The following FBLN2 variants were observed in gnomAD, a reference collection of about 807,000 sequenced individuals.
FBLN2 encodes the protein fibulin-2.
FBLN2 carries 81 observed loss-of-function variants against 123.7 expected under a neutral mutation model. The observed-to-expected ratio is 0.65, with a 90% CI of 0.55 to 0.79. The LOEUF (loss-of-function observed/expected upper bound fraction) is 0.79, where lower values mean the gene tolerates loss of function less well. Among genes scored for constraint, FBLN2 ranks in the 30% least tolerant of loss-of-function variants. The pLI, the probability that FBLN2 is intolerant of heterozygous loss-of-function variation, is 0.00. For missense variants in FBLN2, 1,603 were observed against 1,681.3 expected, an observed-to-expected ratio of 0.95 and a Z score of 0.81; for synonymous variants, 699 against 701.4, an observed-to-expected ratio of 1.00 and a Z score of 0.05.
intron 13 of FBLN2, among the ~76,000 whole-genome samples, chr3:13,629,531 A>C (rs1170203053): frequency 7.6e-6 from 1 of 132,248 alleles, no homozygotes; most frequent in East Asian, 2.3e-4. Flanking sequence ...TGCCCCTCTT[A>C]CTCTGGTCTT....
Position 13,571,198 on chromosome 3 carries a change from A to G in FBLN2, c.843A>G (p.Glu281=), listed in dbSNP as rs1222505987. 3 of 1,570,170 alleles carry G rather than the reference A, an allele frequency of 1.9e-6. No individual in the cohort carries two copies. The highest frequency in any genetic ancestry group is 3.8e-5 in the Admixed American group (2 of 52,594). The change falls in exon 2 of 18, where the codon GAA becomes GAG. Residue 281 remains glutamate, a synonymous_variant. Coordinates refer to ENST00000404922, the MANE Select transcript of FBLN2 (RefSeq NM_001004019.2). The stretch of plus-strand genomic sequence containing the variant: ...TGACCGAGGACAGTGAGGAGGAAGA[A>G]GAGGAGGAGGAGGAGAGAGAGGAAA... ...RRVTEDSEEE[E]EEEEEREEMA...
At chr3:13,623,537 C>T (rs936116987) in intron 9 of FBLN2, among the ~76,000 whole-genome samples, 5 of 152,146 alleles carry the variant, frequency 3.3e-5, no homozygotes, top group African/African-American at 4.8e-5. Context: ...TAGTACCTGC[C>T]GCGCGTTCTT....
chr3:13,588,057 T>C (rs1056134579), intron 2 of FBLN2, among the ~76,000 whole-genome samples: 1 of 152,222 alleles, frequency 6.6e-6, no homozygotes, highest in Non-Finnish European at 1.5e-5. Flanking sequence ...CAAAATACTT[T>C]CTGAATTAAC....
chr3:13,633,823 A>G (rs1009697140), intron 16 of FBLN2, among the ~76,000 whole-genome samples: 1 of 152,208 alleles, frequency 6.6e-6, no homozygotes, highest in Non-Finnish European at 1.5e-5. Context: ...ACCAGCATCT[A>G]GAGCAATGCC....
chr3:13,571,101 C>G lies in FBLN2; in HGVS notation c.746C>G (p.Ala249Gly), dbSNP rs1703930893. 2 of 1,552,888 alleles carry G rather than the reference C, an allele frequency of 1.3e-6. No homozygotes were observed. Among genetic ancestry groups the G allele is most frequent in the Non-Finnish European group, 1.7e-6 (2 of 1,148,438 alleles). Reference sequence around the variant, plus strand: ...ACCATCCAGGCACCCCCCTGGCCAGCTGTCCTCCCCAGGCCCACAGCGGCT... The same window carrying G: ...ACCATCCAGGCACCCCCCTGGCCAGGTGTCCTCCCCAGGCCCACAGCGGCT... ...LSTIQAPPWP[A>G]VLPRPTAAAA... is the part of the protein sequence containing the mutation. The change falls in exon 2 of 18, where the codon GCT becomes GGT. Residue 249 changes from alanine (A) to glycine (G), a missense_variant. Ala to Gly is a moderately conservative substitution (Grantham distance 60). Transcript: ENST00000404922.
intron 10 of FBLN2, among the ~76,000 whole-genome samples, chr3:13,627,208 CCTGG>C (rs1163499502): frequency 6.6e-6 from 1 of 151,866 alleles, no homozygotes; most frequent in Non-Finnish European, 1.5e-5. Flanking sequence ...ATGAGAAGCT[CCTGG>C]GGAGGGTGTT....
chr3:13,617,884 A>G (rs1705689855), intron 5 of FBLN2, among the ~76,000 whole-genome samples, 192 bp from the exon 6 acceptor site: 1 of 140,374 alleles, frequency 7.1e-6, no homozygotes, highest in Non-Finnish European at 1.5e-5. Flanking sequence ...CTGCCCACCC[A>G]CCCATCTATC....
intron 2 of FBLN2, among the ~76,000 whole-genome samples, chr3:13,584,588 C>T (rs553056912): frequency 1.3e-5 from 2 of 152,304 alleles, no homozygotes; most frequent in South Asian, 2.1e-4. Flanking sequence ...AGGGAGTAGC[C>T]GTGGCCATAG....
At position 13,634,784 on chromosome 3, in the gene FBLN2, G is replaced by T. The variant is rs1575004478; in HGVS notation, c.3215-1661G>T. Among the ~76,000 whole-genome samples the T allele has an allele frequency of 2.6e-5, 4 of 152,388 alleles. No homozygotes were observed. In the East Asian group the frequency reaches 7.7e-4, roughly 29 times the overall value. ...AGAGCCTGGCAGCCAAGAGCCCAGA[G>T]TCTGAGGCGGTCCGGGGGTATTGAG... On this transcript the variant is annotated intron_variant, in intron 16 of 17. Transcript: ENST00000404922.
At chr3:13,608,963 C>A (rs1487118954) in intron 3 of FBLN2, among the ~76,000 whole-genome samples, 1 of 152,258 alleles carries the variant, frequency 6.6e-6, no homozygotes, top group East Asian at 1.9e-4. Flanking sequence ...TTAGAGCATG[C>A]AGCACTGGGA....
intron 5 of FBLN2, among the ~76,000 whole-genome samples, chr3:13,617,461 T>C (rs1278786736): frequency 2.0e-5 from 3 of 148,022 alleles, no homozygotes; most frequent in Non-Finnish European, 3.0e-5. Flanking sequence ...CACCCATCCA[T>C]CCATTCAGCC....
intron 4 of FBLN2, among the ~76,000 whole-genome samples, chr3:13,611,900 A>G (rs9835273): frequency 0.25 from 37,900 of 152,022 alleles, 6,501 homozygotes; most frequent in African/African-American, 0.49. Context: ...GAACATGAGA[A>G]AAAAGGGAAA....
In FBLN2 at chr3:13,609,236, G is replaced by A. The variant is rs575682115; in HGVS notation, c.1419-277G>A. On this transcript the variant is annotated intron_variant, in intron 3 of 17. Transcript: ENST00000404922. ...GGGATTAGGTCTCTCTGTCCTCCCC[G>A]ACCGTTGTGGGGGTGGGGACTCTGA... Among the ~76,000 whole-genome samples, 26 of 152,340 alleles carry A rather than the reference G, an allele frequency of 1.7e-4. No individual in the cohort carries two copies. The East Asian group carries it at 3.3e-3, about 19-fold the overall frequency.
At chr3:13,608,934 A>G (rs6803572) in intron 3 of FBLN2, among the ~76,000 whole-genome samples, 23,311 of 152,248 alleles carry the variant, frequency 0.15, 2,413 homozygotes, top group African/African-American at 0.29. Flanking sequence ...CATTCTACCA[A>G]TATGGGGCAA....
chr3:13,636,379 G>T (rs1575005832), intron 16 of FBLN2, 66 bp from the exon 17 acceptor site: 3 of 1,589,174 alleles, frequency 1.9e-6, no homozygotes, highest in East Asian at 2.3e-5. Context: ...TTTCATGCAG[G>T]CTGGGGAGTT....
chr3:13,567,436 C>T (rs1011171702), intron 1 of FBLN2, among the ~76,000 whole-genome samples: 2 of 152,212 alleles, frequency 1.3e-5, no homozygotes, highest in African/African-American at 4.8e-5. Flanking sequence ...CGGCTCACTC[C>T]AACCTCCGCC....
At chr3:13,617,143 AATCCATCCATCCATCC>A (rs779072153) in intron 5 of FBLN2, among the ~76,000 whole-genome samples, 2 of 134,538 alleles carry the variant, frequency 1.5e-5, no homozygotes, top group Non-Finnish European at 1.5e-5. Context: ...TCCATTCATC[AATCCATCCATCCATCC>A]ATCCATCCAT....
chr3:13,634,597 G>A (rs1340825010), intron 16 of FBLN2, among the ~76,000 whole-genome samples: 2 of 152,264 alleles, frequency 1.3e-5, no homozygotes, highest in African/African-American at 4.8e-5. Context: ...GAGTCCACGA[G>A]TGAATAATCA....
intron 1 of FBLN2, among the ~76,000 whole-genome samples, chr3:13,558,623 C>G (rs1703522142): frequency 6.6e-6 from 1 of 151,956 alleles, no homozygotes; most frequent in African/African-American, 2.4e-5. Context: ...ATTAATTAAT[C>G]TACCCCTCTC....
Sources: gnomAD v4.1 joint callset for allele counts (sites outside exome capture counted in the v4.1 genomes callset) on GRCh38, gnomAD v4.1.1 for gene constraint, MANE v1.5 for transcripts, NCBI Gene and HGNC (gene_info 2026-07-23, HGNC 2026-07-21) for gene names.